The following SIN3A variants were observed in gnomAD, a reference collection of about 807,000 sequenced individuals.
SIN3A encodes SIN3 transcription regulator family member A.
In SIN3A, 14 loss-of-function variants were observed where a neutral mutation model predicts 146.1. The observed-to-expected ratio is 0.10, with a 90% CI of 0.06 to 0.15. The LOEUF is 0.15. Among genes scored for constraint, SIN3A ranks in the 10% least tolerant of loss-of-function variants. The probability of loss-of-function intolerance (pLI) is 1.00; values close to 1 mark genes in which losing one functional copy is unlikely to be tolerated. For synonymous variants in SIN3A, 572 were observed against 572.0 expected, an observed-to-expected ratio of 1.00 and a Z score of 0.00; for missense variants, 1,028 against 1,576.0, an observed-to-expected ratio of 0.65 and a Z score of 5.89.
In SIN3A at chr15:75,371,981, A is replaced by G; in HGVS notation, c.3820T>C (p.Ter1274GlnextTer7). Reference protein sequence around the residue: ...VKYGTVFKAP* With the variant: ...VKYGTVFKAPQ The stretch of plus-strand genomic sequence containing the variant: ...AGTTATCTGCTCTGGCTTTGCAGTT[A>G]AGGGGCTTTGAATACTGTGCCGTAT... Residue 1274 changes from the stop codon to glutamine (Q), a stop_lost, in exon 21 of 21, where the codon TAA (stop) becomes CAA (glutamine). Coordinates refer to ENST00000394947, the MANE Select transcript of SIN3A (RefSeq NM_001145358.2). 1 of 1,613,866 alleles carries G rather than the reference A, an allele frequency of 6.2e-7. No homozygotes were observed. The highest frequency in any genetic ancestry group is 8.5e-7 in the Non-Finnish European group (1 of 1,179,712).
chr15:75,415,587 G>T, intron 3 of SIN3A: 1 of 176,006 alleles, frequency 5.7e-6, no homozygotes. Flanking sequence ...CGCAGTGGCT[G>T]ACACCTGCAA....
At chr15:75,438,590 G>A (rs192010092) in intron 1 of SIN3A, among the ~76,000 whole-genome samples, 37 of 152,134 alleles carry the variant, frequency 2.4e-4, no homozygotes, top group African/African-American at 8.7e-4. Context: ...TTAGGAGGCT[G>A]AGGTGGGAGG....
chr15:75,416,041 C>T, intron 3 of SIN3A: 1 of 304,626 alleles, frequency 3.3e-6, no homozygotes, highest in South Asian at 3.8e-5. Context: ...TTTTTGGTAA[C>T]TGTGTACTTC....
intron 20 of SIN3A, among the ~76,000 whole-genome samples, chr15:75,374,595 C>A (rs1360401332): frequency 6.6e-6 from 1 of 152,224 alleles, no homozygotes; most frequent in Admixed American, 6.5e-5. Flanking sequence ...AAATTACAAA[C>A]CATGGCCTAT....
chr15:75,410,082 CTCA>C, intron 7 of SIN3A, 49 bp downstream of exon 7: 3 of 1,603,070 alleles, frequency 1.9e-6, no homozygotes, highest in Non-Finnish European at 2.6e-6. Context: ...AGTTTTCCAA[CTCA>C]TCTAAGATAA....
At chr15:75,437,862 T>G (rs973861312) in intron 1 of SIN3A, among the ~76,000 whole-genome samples, 3 of 152,098 alleles carry the variant, frequency 2.0e-5, no homozygotes, top group African/African-American at 4.8e-5. Flanking sequence ...GCAGAACATT[T>G]AAAGGTCACC....
At chr15:75,372,840 ACCC>A (rs1475985188) in intron 20 of SIN3A, among the ~76,000 whole-genome samples, 31 of 148,964 alleles carry the variant, frequency 2.1e-4, no homozygotes, top group African/African-American at 7.2e-4. Context: ...AAAAAAAAAA[ACCC>A]AAAACCCCCA....
chr15:75,382,286 G>A (rs1414251448), intron 17 of SIN3A, among the ~76,000 whole-genome samples: 1 of 152,180 alleles, frequency 6.6e-6, no homozygotes, highest in African/African-American at 2.4e-5. Context: ...TTTAAAAATT[G>A]CTCTCTGCTA....
chr15:75,392,117 G>A, intron 15 of SIN3A, 125 bp downstream of exon 15: 2 of 877,056 alleles, frequency 2.3e-6, no homozygotes, highest in Non-Finnish European at 3.5e-6. Flanking sequence ...AACAGGTTCA[G>A]AGAGTTTAAC....
At chr15:75,422,479 G>T in intron 3 of SIN3A, 168 bp downstream of exon 3, 1 of 740,378 alleles carries the variant, frequency 1.4e-6, no homozygotes, top group Non-Finnish European at 2.3e-6. Flanking sequence ...AGGCACTGAT[G>T]CCAAGATAGG....
intron 8 of SIN3A, 67 bp from the exon 9 acceptor site, chr15:75,407,211 G>A: frequency 1.8e-6 from 2 of 1,084,646 alleles, no homozygotes; most frequent in Non-Finnish European, 2.8e-6. Flanking sequence ...ATTTTTGTCT[G>A]TATTCAATGG....
At chr15:75,422,164 T>C in intron 3 of SIN3A, 1 of 185,210 alleles carries the variant, frequency 5.4e-6, no homozygotes. Context: ...GAGAATCACT[T>C]GAGGCCAGCA....
Position 75,414,321 on chromosome 15 carries a change from G to A in SIN3A, c.367-10C>T. On this transcript the variant is annotated splice_polypyrimidine_tract_variant and intron_variant, in intron 3 of 20. Transcript: ENST00000394947. ...ATAGCGCATCCTCCACCTGAGGCAG[G>A]GATAAATATCAAGGTTATAAAAAGA... 1 of 1,412,130 alleles carries A rather than the reference G, an allele frequency of 7.1e-7. No individual in the cohort carries two copies. The highest frequency in any genetic ancestry group is 9.5e-7 in the Non-Finnish European group (1 of 1,051,552). 87.5% of individuals were successfully genotyped at this position (1,412,130 alleles called of 1,614,324 possible).
At chr15:75,386,059 C>T (rs577280281) in intron 16 of SIN3A, among the ~76,000 whole-genome samples, 2 of 152,314 alleles carry the variant, frequency 1.3e-5, no homozygotes, top group East Asian at 3.9e-4. Flanking sequence ...CTCGCTCTGT[C>T]GCCCAGGCTG....
In SIN3A at chr15:75,372,026, T is replaced by G; in HGVS notation, c.3775A>C (p.Ile1259Leu). Residue 1259 changes from isoleucine to leucine, a missense_variant, in exon 21 of 21, where the codon ATT becomes CTT. Ile to Leu is a conservative substitution (Grantham distance 5). Transcript: ENST00000394947. ...CCGTATTTGACACGATACTTGTTAA[T>G]GCTCACAAAATGCAGGGTCTCTGTA... is the stretch of plus-strand genomic sequence containing the variant. ...CDTETLHFVSINKYRVKYGTV... is the reference protein window; with the variant it reads ...CDTETLHFVSLNKYRVKYGTV... The G allele has an allele frequency of 6.2e-7, 1 of 1,614,240 alleles. No individual in the cohort carries two copies. Among genetic ancestry groups the G allele is most frequent in the Non-Finnish European group, 8.5e-7 (1 of 1,180,040 alleles).
In SIN3A at chr15:75,389,834, T is replaced by C. The variant is rs776946351; in HGVS notation, c.2852-13A>G. The C allele has an allele frequency of 9.9e-6, 16 of 1,613,400 alleles. No homozygotes were observed. The highest frequency in any genetic ancestry group is 1.3e-5 in the Non-Finnish European group (15 of 1,179,534). ...ACATCAACATCCACTGTGGGAGAGA[T>C]GGGATTGGTGAGGCCTTACCTTGCT... On this transcript the variant is annotated splice_polypyrimidine_tract_variant and intron_variant, in intron 15 of 20. Transcript: ENST00000394947.
At chr15:75,451,181 T>C (rs989950487) in intron 1 of SIN3A, among the ~76,000 whole-genome samples, 9 of 149,506 alleles carry the variant, frequency 6.0e-5, no homozygotes, top group African/African-American at 1.5e-4. Flanking sequence ...GCCCCGCCTC[T>C]GAGCGGCGGC....
chr15:75,406,937 T>C (rs572415669), intron 9 of SIN3A, 118 bp downstream of exon 9: 1 of 615,884 alleles, frequency 1.6e-6, no homozygotes, highest in Non-Finnish European at 2.8e-6. Flanking sequence ...GAAACTATGT[T>C]AAAAAACAGA....
rs1025763919 is a variant in SIN3A, at chr15:75,371,859, T to C, written c.*120A>G. 3 of 859,534 alleles carry C rather than the reference T, an allele frequency of 3.5e-6. No individual in the cohort carries two copies. The highest frequency in any genetic ancestry group is 3.7e-6 in the Non-Finnish European group (2 of 543,556). The allele number at this position is 859,534 out of a possible 1,614,324, so 53.2% of individuals were successfully genotyped here. A position where few individuals can be genotyped will look rare whatever the true frequency, so the allele number is the denominator to read the frequency against. On this transcript the variant is annotated 3_prime_UTR_variant, in exon 21 of 21. Coordinates refer to ENST00000394947, the MANE Select transcript of SIN3A (RefSeq NM_001145358.2). ...CAGCCACACACAGGTCAGGTGGCCA[T>C]GTCCCAGAGAGGCCCAGTGAGGCTT...
Sources: allele counts gnomAD v4.1 joint callset (sites outside exome capture counted in the v4.1 genomes callset), GRCh38; gene constraint gnomAD v4.1.1; transcripts MANE v1.5; gene names NCBI Gene and HGNC (gene_info 2026-07-23, HGNC 2026-07-21).